Variants in TXK observed in about 807,000 individuals in gnomAD.
TXK encodes tyrosine-protein kinase TXK.
Under a neutral mutation model 81.0 loss-of-function variants are expected in TXK, and 60 were observed. The observed-to-expected ratio is 0.74, with a 90% confidence interval of 0.60 to 0.92. The LOEUF (loss-of-function observed/expected upper bound fraction) is 0.92. TXK is among the 40% of genes least tolerant of loss of function. The pLI is 0.00. For missense variants in TXK, 581 were observed against 638.3 expected (o/e 0.91, Z 0.97); for synonymous variants, 203 against 210.7 (o/e 0.96, Z 0.32).
At position 48,128,842 on chromosome 4, in the gene TXK, C is replaced by G. The variant is rs1449924939; in HGVS notation, c.16+5313G>C. Among the ~76,000 whole-genome samples, 3 of 152,156 alleles carry G rather than the reference C, an allele frequency of 2.0e-5. No homozygotes were observed. The South Asian group carries it at 6.2e-4, about 32-fold the overall frequency. On this transcript the variant is annotated intron_variant, in intron 1 of 14. Transcript: ENST00000264316. ...TCGGCCTCCCAAAGTGCTAGGATTA[C>G]AGGCGTGAGCCACCGCGCCCAGCCT...
chr4:48,124,394 C>CTCAATCTCA, intron 1 of TXK, among the ~76,000 whole-genome samples: 1 of 152,184 alleles, frequency 6.6e-6, no homozygotes. Flanking sequence ...TTGTAAGCTT[C>CTCAATCTCA]TCAATCTCAG....
chr4:48,111,827 C>G (rs1486205548), intron 4 of TXK, among the ~76,000 whole-genome samples: 1 of 152,214 alleles, frequency 6.6e-6, no homozygotes, highest in East Asian at 1.9e-4. Context: ...ACAATGAAAC[C>G]TATCTGCATC....
intron 1 of TXK, among the ~76,000 whole-genome samples, chr4:48,129,340 TG>T (rs1719180599): frequency 6.6e-6 from 1 of 152,204 alleles, no homozygotes; most frequent in African/African-American, 2.4e-5. Context: ...TTGACTGTTC[TG>T]TTTTTTTGAC....
In TXK at chr4:48,076,401, C is replaced by A; in HGVS notation, c.1238+1G>T. Reference sequence around the variant, plus strand: ...TACATATATATATACATAGCATGTACCTTGTCATTCCAAAGTCTGAAATTT... The same window carrying A: ...TACATATATATATACATAGCATGTAACTTGTCATTCCAAAGTCTGAAATTT... On this transcript the variant is annotated splice_donor_variant, in intron 12 of 14. Coordinates refer to ENST00000264316, the MANE Select transcript of TXK (RefSeq NM_003328.3). LOFTEE classifies it high-confidence loss of function. 6.2e-7 allele frequency: 1 copy of A among 1,603,486 alleles called. No individual in the cohort carries two copies. Among genetic ancestry groups the A allele is most frequent in the Non-Finnish European group, 8.5e-7 (1 of 1,171,600 alleles).
At chr4:48,097,074 A>C (rs1718009237) in intron 6 of TXK, among the ~76,000 whole-genome samples, 1 of 152,174 alleles carries the variant, frequency 6.6e-6, no homozygotes, top group African/African-American at 2.4e-5. Flanking sequence ...AAATAAATTA[A>C]TAAAGACAAA....
At chr4:48,126,336 CTTACT>C (rs1300117831) in intron 1 of TXK, among the ~76,000 whole-genome samples, 1 of 152,184 alleles carries the variant, frequency 6.6e-6, no homozygotes, top group African/African-American at 2.4e-5. Flanking sequence ...TTTTCTCTAG[CTTACT>C]TTATTGTAAG....
At chr4:48,091,565 G>A (rs35590286) in intron 8 of TXK, among the ~76,000 whole-genome samples, 47,084 of 151,538 alleles carry the variant, frequency 0.31, 8,743 homozygotes, top group Non-Finnish European at 0.41. Flanking sequence ...GAGTGCAATG[G>A]TGTGATCTTG....
At chr4:48,117,724 C>A (rs1718850329) in intron 1 of TXK, among the ~76,000 whole-genome samples, 1 of 152,172 alleles carries the variant, frequency 6.6e-6, no homozygotes, top group African/African-American at 2.4e-5. Context: ...TGTATCCTGG[C>A]TATGGAAAAA....
intron 14 of TXK, among the ~76,000 whole-genome samples, chr4:48,070,983 C>G (rs1458942510): frequency 6.7e-6 from 1 of 149,142 alleles, no homozygotes; most frequent in Non-Finnish European, 1.5e-5. Flanking sequence ...ACTGCAAGCT[C>G]CGCCTCCCAG....
At chr4:48,096,493 C>T (rs1167836136) in intron 6 of TXK, among the ~76,000 whole-genome samples, 1 of 152,040 alleles carries the variant, frequency 6.6e-6, no homozygotes, top group African/African-American at 2.4e-5. Flanking sequence ...CTCCTATCAC[C>T]TAAAGATTTT....
At position 48,113,238 on chromosome 4, in the gene TXK, G is replaced by A. The variant is rs1375196892; in HGVS notation, c.143C>T (p.Pro48Leu). The A allele has an allele frequency of 1.4e-5, 23 of 1,613,000 alleles. No homozygotes were observed. Among genetic ancestry groups the A allele is most frequent in the South Asian group, 4.4e-5 (4 of 90,970 alleles). ...CTTATTTGACAATTGGCTGAGCCAC[G>A]GCCTGCGACGCTGGGTGTATTTTTC... ...LPEKYTQRRRPWLSQLSNKKQ... is the reference protein window; with the variant it reads ...LPEKYTQRRRLWLSQLSNKKQ... The change falls in exon 3 of 15, where the codon CCG becomes CTG. Residue 48 changes from proline to leucine, a missense_variant. Coordinates refer to ENST00000264316, the MANE Select transcript of TXK (RefSeq NM_003328.3).
At chr4:48,069,476 C>T (rs1716751695) in intron 14 of TXK, among the ~76,000 whole-genome samples, 1 of 151,856 alleles carries the variant, frequency 6.6e-6, no homozygotes. Flanking sequence ...CAGGTGCCCG[C>T]CACCATGCCC....
At chr4:48,088,153 C>G (rs533749503) in intron 9 of TXK, among the ~76,000 whole-genome samples, 2 of 151,988 alleles carry the variant, frequency 1.3e-5, no homozygotes, top group South Asian at 4.2e-4. Flanking sequence ...AAAAAAAAAC[C>G]TAGAATAAAA....
rs540526884 is a variant in TXK at position 48,089,403 on chromosome 4, T to C, written c.784+347A>G. ...CTAGATTCTTTTTTTTTTTTCCTTT[T>C]TTTTTGAGACAGAGTCTCACTCTGC... is the stretch of plus-strand genomic sequence containing the variant. On this transcript the variant is annotated intron_variant, in intron 9 of 14. Transcript: ENST00000264316. 1.6e-3 allele frequency: 261 copies of C among 159,234 alleles called. 1 individual carries two copies. Among genetic ancestry groups the C allele is most frequent in the Non-Finnish European group, 1.9e-3 (138 of 72,196 alleles). The allele number at this position is 159,234 out of a possible 1,614,324, so 9.9% of individuals were successfully genotyped here.
intron 6 of TXK, among the ~76,000 whole-genome samples, chr4:48,102,601 C>T (rs1259243147): frequency 6.6e-6 from 1 of 152,202 alleles, no homozygotes; most frequent in African/African-American, 2.4e-5. Flanking sequence ...GTTAAATCTG[C>T]ACATACCCTG....
intron 1 of TXK, among the ~76,000 whole-genome samples, chr4:48,121,783 C>G (rs1250960310): frequency 6.6e-6 from 1 of 151,828 alleles, no homozygotes; most frequent in Admixed American, 6.6e-5. Flanking sequence ...CAATGTGGAA[C>G]CTGTGGATAC....
intron 5 of TXK, among the ~76,000 whole-genome samples, chr4:48,107,771 T>C (rs761035433): frequency 6.6e-6 from 1 of 151,492 alleles, no homozygotes; most frequent in Non-Finnish European, 1.5e-5. Flanking sequence ...TTTAAAATTG[T>C]ACATTTATGG....
intron 8 of TXK, among the ~76,000 whole-genome samples, chr4:48,091,005 T>C (rs186008826): frequency 8.5e-5 from 13 of 152,348 alleles, no homozygotes; most frequent in African/African-American, 2.9e-4. Context: ...TCTAGGTAGA[T>C]TCCCAAAGAT....
intron 10 of TXK, among the ~76,000 whole-genome samples, chr4:48,081,828 C>T (rs895925388): frequency 1.3e-5 from 2 of 152,128 alleles, no homozygotes; most frequent in Non-Finnish European, 2.9e-5. Flanking sequence ...CCCCTAAACC[C>T]GTTTGGTCTT....
Sources: allele counts gnomAD v4.1 joint callset (sites outside exome capture counted in the v4.1 genomes callset), GRCh38; gene constraint gnomAD v4.1.1; transcripts MANE v1.5; gene names NCBI Gene and HGNC (gene_info 2026-07-23, HGNC 2026-07-21).